The following FSHR variants were observed in gnomAD, a reference collection of about 807,000 sequenced individuals.
FSHR encodes follicle stimulating hormone receptor.
Under a neutral mutation model 52.1 loss-of-function variants are expected in FSHR, and 46 were observed. That is an observed-to-expected ratio of 0.88 (90% CI 0.70 to 1.13). The LOEUF is 1.13. Ranked by LOEUF, FSHR falls within the 50% of genes most tolerant of loss-of-function variation. The probability of loss-of-function intolerance (pLI) is 0.00; values close to 1 mark genes in which losing one functional copy is unlikely to be tolerated. For missense variants in FSHR, 964 were observed against 834.6 expected (o/e 1.16, Z -1.91); for synonymous variants, 399 against 309.6 (o/e 1.29, Z -3.03).
Position 49,154,449 on chromosome 2 carries a change from G to A in FSHR, c.-32C>T, listed in dbSNP as rs371875648. On this transcript the variant is annotated 5_prime_UTR_variant, in exon 1 of 10. The change creates a premature stop within an existing upstream ORF in the 5' untranslated region. Transcript: ENST00000406846. ...GCATCCATCCACCTGATTTCTTCCTGCATTTGCAGAGAAAAACCTCCACAG... is the reference window on the plus strand; with the variant it reads ...GCATCCATCCACCTGATTTCTTCCTACATTTGCAGAGAAAAACCTCCACAG... 6.2e-7 allele frequency: 1 copy of A among 1,610,484 alleles called. No homozygotes were observed.
chr2:49,138,179 A>T (rs1409004543), intron 1 of FSHR, among the ~76,000 whole-genome samples: 2 of 152,172 alleles, frequency 1.3e-5, no homozygotes, highest in Admixed American at 6.5e-5. Context: ...AGCACTTTAT[A>T]CTCAAGAGGA....
At chr2:49,033,758 C>G (rs762140524) in intron 2 of FSHR, among the ~76,000 whole-genome samples, 15 of 151,994 alleles carry the variant, frequency 9.9e-5, no homozygotes, top group Non-Finnish European at 2.1e-4. Context: ...GTGCCAGTGT[C>G]TGAGGACTAA....
chr2:48,999,684 T>C (rs2349413), intron 4 of FSHR, among the ~76,000 whole-genome samples: 119,139 of 152,012 alleles, frequency 0.78, 46,803 homozygotes, highest in Admixed American at 0.84. Context: ...GAATGAAATG[T>C]TACAATGGTC....
intron 2 of FSHR, among the ~76,000 whole-genome samples, chr2:49,058,228 G>C (rs930317505): frequency 1.3e-5 from 2 of 152,180 alleles, no homozygotes; most frequent in African/African-American, 4.8e-5. Context: ...AAGTCAAATT[G>C]TCCCTGTTTT....
intron 1 of FSHR, among the ~76,000 whole-genome samples, chr2:49,113,205 T>A (rs1671485603): frequency 6.6e-6 from 1 of 152,130 alleles, no homozygotes; most frequent in Non-Finnish European, 1.5e-5. Flanking sequence ...GGGCTCCAAG[T>A]CCCCAGAGCT....
intron 1 of FSHR, among the ~76,000 whole-genome samples, chr2:49,078,695 A>T (rs905667): frequency 0.1 from 15,462 of 152,004 alleles, 1,079 homozygotes; most frequent in Non-Finnish European, 0.15. Flanking sequence ...AATCTATCAC[A>T]ATAAAAGTTT....
intron 1 of FSHR, among the ~76,000 whole-genome samples, chr2:49,079,241 C>T (rs907135324): frequency 5.3e-5 from 8 of 151,856 alleles, no homozygotes; most frequent in African/African-American, 1.5e-4. Context: ...AAACCCTAAA[C>T]AAACAGAAAT....
chr2:49,098,499 T>C (rs924018689), intron 1 of FSHR, among the ~76,000 whole-genome samples: 4 of 151,748 alleles, frequency 2.6e-5, no homozygotes, highest in Non-Finnish European at 4.4e-5. Context: ...AAAAAGACAT[T>C]TAAAGTTAAG....
chr2:49,060,735 C>G (rs1301942612), intron 2 of FSHR, among the ~76,000 whole-genome samples: 7 of 152,140 alleles, frequency 4.6e-5, no homozygotes, highest in Non-Finnish European at 1.5e-5. Context: ...ACCTTGCTTC[C>G]CTGGAGCCGG....
intron 1 of FSHR, among the ~76,000 whole-genome samples, chr2:49,086,040 C>T (rs530277086): frequency 2.0e-5 from 3 of 151,930 alleles, no homozygotes; most frequent in Admixed American, 2.0e-4. Context: ...GTGCAGCACA[C>T]CAACATGGCA....
At chr2:49,119,646 C>A (rs1180821976) in intron 1 of FSHR, among the ~76,000 whole-genome samples, 2 of 152,114 alleles carry the variant, frequency 1.3e-5, no homozygotes, top group East Asian at 1.9e-4. Context: ...ACACTTAGAA[C>A]AGATTACCAC....
intron 1 of FSHR, among the ~76,000 whole-genome samples, chr2:49,090,983 T>C (rs1311125567): frequency 6.6e-6 from 1 of 152,084 alleles, no homozygotes; most frequent in East Asian, 1.9e-4. Context: ...TTCTGGAGTT[T>C]TGAGAATTCT....
intron 2 of FSHR, among the ~76,000 whole-genome samples, chr2:49,026,378 C>T (rs571391932): frequency 6.6e-6 from 1 of 152,154 alleles, no homozygotes; most frequent in Admixed American, 6.5e-5. Flanking sequence ...TAAGCACTTA[C>T]GTGTCAGGCA....
chr2:49,065,307 G>T lies in FSHR; in HGVS notation c.224+2912C>A, dbSNP rs1035098361. Among the ~76,000 whole-genome samples, 3 of 152,126 alleles carry T rather than the reference G, an allele frequency of 2.0e-5. No homozygotes were observed. In the East Asian group the frequency reaches 5.8e-4, roughly 29 times the overall value. On this transcript the variant is annotated intron_variant, in intron 2 of 9. Transcript: ENST00000406846. ...AGAGTGGCAGGAAGATTGGAGCTGGGATAGGCATGGAAGCTTCATACAGTA... is the reference window on the plus strand; with the variant it reads ...AGAGTGGCAGGAAGATTGGAGCTGGTATAGGCATGGAAGCTTCATACAGTA...
intron 1 of FSHR, among the ~76,000 whole-genome samples, chr2:49,073,930 C>G (rs1048974417): frequency 2.0e-5 from 3 of 152,014 alleles, no homozygotes; most frequent in Non-Finnish European, 4.4e-5. Context: ...CAAGAACACT[C>G]ACTGGGGAAA....
intron 5 of FSHR, among the ~76,000 whole-genome samples, chr2:48,989,271 GTCTTTT>G (rs1315154756): frequency 1.7e-4 from 18 of 103,448 alleles, no homozygotes; most frequent in African/African-American, 6.5e-4. Context: ...GACATTCAGT[GTCTTTT>G]TTTTTTTTTT....
Position 49,144,289 on chromosome 2 carries a change from G to T in FSHR, c.152+9977C>A, listed in dbSNP as rs531187841. Among the ~76,000 whole-genome samples the T allele has an allele frequency of 4.7e-4, 72 of 152,242 alleles. No individual in the cohort carries two copies. The South Asian group carries it at 0.015, about 31-fold the overall frequency. ...TTTGGCTGAGGTTCTTAAATCTGCTGCTGCGGCTATTGTTGCTCTTCTTCC... is the reference window on the plus strand; with the variant it reads ...TTTGGCTGAGGTTCTTAAATCTGCTTCTGCGGCTATTGTTGCTCTTCTTCC... On this transcript the variant is annotated intron_variant, in intron 1 of 9. Transcript: ENST00000406846.
intron 6 of FSHR, among the ~76,000 whole-genome samples, chr2:48,987,401 C>T (rs547427598): frequency 9.2e-5 from 14 of 151,630 alleles, no homozygotes; most frequent in Admixed American, 3.9e-4. Flanking sequence ...TTAGTAGAGA[C>T]GGGTTTCACT....
At chr2:48,974,309 G>C (rs1674877872) in intron 8 of FSHR, among the ~76,000 whole-genome samples, 1 of 152,216 alleles carries the variant, frequency 6.6e-6, no homozygotes, top group African/African-American at 2.4e-5. Context: ...GTGTTTAGGT[G>C]TTAGATTGGG....
Sources: allele counts gnomAD v4.1 joint callset (sites outside exome capture counted in the v4.1 genomes callset), GRCh38; gene constraint gnomAD v4.1.1; transcripts MANE v1.5; gene names NCBI Gene and HGNC (gene_info 2026-07-23, HGNC 2026-07-21).